MED1: variants seen among roughly 807,000 people sequenced by gnomAD.
The protein encoded by MED1 is mediator of RNA polymerase II transcription subunit 1.
MED1 carries 17 observed loss-of-function variants against 121.3 expected under a neutral mutation model. The ratio of observed to expected loss-of-function variants is 0.14; its 90% confidence interval spans 0.10 to 0.21. The LOEUF (loss-of-function observed/expected upper bound fraction) is 0.21. MED1 is among the 10% of genes least tolerant of loss of function. The pLI, the probability that MED1 is intolerant of heterozygous loss-of-function variation, is 1.00. For synonymous variants in MED1, 661 were observed against 694.4 expected, an observed-to-expected ratio of 0.95 and a Z score of 0.76; for missense variants, 1,558 against 1,919.4, an observed-to-expected ratio of 0.81 and a Z score of 3.52.
intron 10 of MED1, among the ~76,000 whole-genome samples, chr17:39,424,966 A>G (rs1226471626): frequency 2.0e-5 from 3 of 151,866 alleles, no homozygotes; most frequent in Non-Finnish European, 2.9e-5. Context: ...TGCAAGCTCC[A>G]CCTCCTGGGT....
intron 6 of MED1, among the ~76,000 whole-genome samples, chr17:39,435,428 T>A (rs1023526223): frequency 3.9e-5 from 6 of 151,902 alleles, no homozygotes. Context: ...CTTTTGTGGA[T>A]AGGTTTAGGA....
chr17:39,440,788 T>G lies in MED1; in HGVS notation c.212-111A>C. On this transcript the variant is annotated intron_variant, in intron 3 of 16. Coordinates refer to ENST00000300651, the MANE Select transcript of MED1 (RefSeq NM_004774.4). The surrounding 1 kb of genome is among the most constrained non-coding windows in gnomAD (Gnocchi z 4.1). ...CAAAACCGTAAACATATTCAGTAGTTCAAATGCTTGTAATTTACATAAAGT... is the reference window on the plus strand; with the variant it reads ...CAAAACCGTAAACATATTCAGTAGTGCAAATGCTTGTAATTTACATAAAGT... 9.7e-7 allele frequency: 1 copy of G among 1,033,888 alleles called. No homozygotes were observed. Among genetic ancestry groups the G allele is most frequent in the African/African-American group, 1.6e-5 (1 of 62,070 alleles). 64.0% of individuals were successfully genotyped at this position (1,033,888 alleles called of 1,614,324 possible).
At chr17:39,418,747 T>G (rs1027121117) in intron 14 of MED1, among the ~76,000 whole-genome samples, 1 of 152,130 alleles carries the variant, frequency 6.6e-6, no homozygotes, top group African/African-American at 2.4e-5. Flanking sequence ...CCCACTGAGA[T>G]TATCATTCAG....
At chr17:39,423,975 C>A (rs1051008066) in intron 11 of MED1, among the ~76,000 whole-genome samples, 154 bp from the exon 12 acceptor site, 1 of 152,018 alleles carries the variant, frequency 6.6e-6, no homozygotes, top group African/African-American at 2.4e-5. Context: ...CTCTGCCTCC[C>A]GGGTTCAAGG....
chr17:39,444,792 C>T (rs562221245), intron 2 of MED1, among the ~76,000 whole-genome samples: 2 of 151,914 alleles, frequency 1.3e-5, no homozygotes, highest in Non-Finnish European at 2.9e-5. Context: ...TCGCTTGACC[C>T]GGGGATGCAG....
intron 10 of MED1, 47 bp downstream of exon 10, chr17:39,427,654 C>G: frequency 1.4e-6 from 2 of 1,390,808 alleles, no homozygotes; most frequent in Non-Finnish European, 2.0e-6. Flanking sequence ...TAAAGGCAAG[C>G]TGGGCACCGA....
intron 6 of MED1, among the ~76,000 whole-genome samples, chr17:39,434,553 G>A (rs1008382355): frequency 6.6e-6 from 1 of 152,198 alleles, no homozygotes; most frequent in African/African-American, 2.4e-5. Flanking sequence ...AATAAGCAGT[G>A]TGAAAGTTAA....
At position 39,426,458 on chromosome 17, in the gene MED1, T is replaced by TAAAC. The variant is rs539997661; in HGVS notation, c.739+1239_739+1242dup. ...TGAGACTCCATCTTAAATAAATAAA[T>TAAAC]AAACAAACAAACAAACAAACAATAA... On this transcript the variant is annotated intron_variant, in intron 10 of 16. Coordinates refer to ENST00000300651, the MANE Select transcript of MED1 (RefSeq NM_004774.4). Among the ~76,000 whole-genome samples, 140 of 151,768 alleles carry TAAAC rather than the reference T, an allele frequency of 9.2e-4. 1 individual carries two copies. Among genetic ancestry groups the TAAAC allele is most frequent in the East Asian group, 7.6e-3 (39 of 5,148 alleles).
chr17:39,448,286 C>A (rs748182462), intron 1 of MED1, among the ~76,000 whole-genome samples: 8 of 151,330 alleles, frequency 5.3e-5, no homozygotes, highest in Non-Finnish European at 1.2e-4. Flanking sequence ...AGGAGAATTG[C>A]TTGAATCCAG....
Position 39,410,687 on chromosome 17 carries a change from G to C in MED1, c.1534C>G (p.Arg512Gly), listed in dbSNP as rs370909230. ...MSIPVTMRAI[R>G]RKAETIQADT... ...GCTTGAATGGTTTCAGCTTTCCTCC[G>C]AATAGCCCTCATCGTCACAGGGATG... The change falls in exon 17 of 17, where the codon CGG (arginine) becomes GGG (glycine). Residue 512 changes from arginine (R) to glycine (G), a missense_variant. Transcript: ENST00000300651. 6.2e-7 allele frequency: 1 copy of C among 1,612,870 alleles called. No homozygotes were observed. Among genetic ancestry groups the C allele is most frequent in the Non-Finnish European group, 8.5e-7 (1 of 1,179,150 alleles).
At chr17:39,426,527 G>A (rs1400644763) in intron 10 of MED1, among the ~76,000 whole-genome samples, 7 of 152,042 alleles carry the variant, frequency 4.6e-5, no homozygotes, top group Admixed American at 4.6e-4. Context: ...ACCTAAGGAG[G>A]TATTAGTCCA....
chr17:39,430,995 G>T, intron 9 of MED1, 120 bp downstream of exon 9: 2 of 898,806 alleles, frequency 2.2e-6, no homozygotes, highest in Non-Finnish European at 3.5e-6. Flanking sequence ...CTCCAGCCTG[G>T]GCAACAAAGT....
At chr17:39,444,793 G>A (rs1206132091) in intron 2 of MED1, among the ~76,000 whole-genome samples, 4 of 151,600 alleles carry the variant, frequency 2.6e-5, no homozygotes, top group East Asian at 1.9e-4. Context: ...CGCTTGACCC[G>A]GGGATGCAGA....
Position 39,434,274 on chromosome 17 carries a change from T to C in MED1, c.475A>G (p.Asn159Asp). The C allele has an allele frequency of 6.4e-7, 1 of 1,571,316 alleles. No homozygotes were observed. The highest frequency in any genetic ancestry group is 8.6e-7 in the Non-Finnish European group (1 of 1,162,376). The change falls in exon 7 of 17, where the codon AAT becomes GAT. Residue 159 changes from asparagine (N) to aspartate (D), a missense_variant. Physicochemically the swap from Asn to Asp is conservative, Grantham distance 23. Coordinates refer to ENST00000300651, the MANE Select transcript of MED1 (RefSeq NM_004774.4). ...TTGTCCCCTGGAAGGTTATACAGATTAACAAGGCCCTTAAGGTGCTTAGAA... is the reference window on the plus strand; with the variant it reads ...TTGTCCCCTGGAAGGTTATACAGATCAACAAGGCCCTTAAGGTGCTTAGAA... ...EFSKHLKGLV[N>D]LYNLPGDNKL...
chr17:39,423,429 T>G lies in MED1; in HGVS notation c.993A>C (p.Glu331Asp). Residue 331 changes from glutamate to aspartate, a missense_variant, in exon 13 of 17, where the codon GAA (glutamate) becomes GAC (aspartate). Around this residue, in one of 5 missense-constraint regions of MED1, gnomAD observed 443 missense variants for 532.4 expected, o/e 0.83. Coordinates refer to ENST00000300651, the MANE Select transcript of MED1 (RefSeq NM_004774.4). The stretch of plus-strand genomic sequence containing the variant: ...ACAGGGGTGCATAAGTTGGTTGAGT[T>G]TCAAACAATGGAATTCCTGGAAAAA... ...LQNCTGIPLF[E>D]TQPTYAPLYE... 6.2e-7 allele frequency: 1 copy of G among 1,612,366 alleles called. No homozygotes were observed. The highest frequency in any genetic ancestry group is 8.5e-7 in the Non-Finnish European group (1 of 1,178,580).
At chr17:39,432,416 A>G (rs1567648662) in intron 7 of MED1, among the ~76,000 whole-genome samples, 1 of 151,510 alleles carries the variant, frequency 6.6e-6, no homozygotes. Context: ...AGAAGGCCTA[A>G]AGAGCAAGTC....
At chr17:39,425,951 A>G (rs1284475877) in intron 10 of MED1, among the ~76,000 whole-genome samples, 1 of 152,114 alleles carries the variant, frequency 6.6e-6, no homozygotes, top group Non-Finnish European at 1.5e-5. Context: ...TTTTTTCTTC[A>G]GAATGCATTT....
At position 39,408,301 on chromosome 17, in the gene MED1, A is replaced by G; in HGVS notation, c.3920T>C (p.Ile1307Thr). The G allele has an allele frequency of 1.2e-6, 2 of 1,614,096 alleles. No homozygotes were observed. The highest frequency in any genetic ancestry group is 1.7e-6 in the Non-Finnish European group (2 of 1,180,018). ...RNKKPSLTAV[I>T]DKLKHGVVTS... ...GACAACCCCATGCTTCAGTTTATCT[A>G]TGACAGCTGTCAAGGACGGCTTCTT... Residue 1307 changes from isoleucine (I) to threonine (T), a missense_variant, in exon 17 of 17, where the codon ATA becomes ACA. Around this residue, in one of 5 missense-constraint regions of MED1, gnomAD observed 8 missense variants for 28.1 expected, o/e 0.28. Transcript: ENST00000300651. This position sits in a 1 kb window ranked among gnomAD's most constrained non-coding sequence, Gnocchi z 4.7.
At chr17:39,424,850 T>C in intron 10 of MED1, 112 bp from the exon 11 acceptor site, 2 of 676,774 alleles carry the variant, frequency 3.0e-6, no homozygotes, top group African/African-American at 1.9e-5. Context: ...ATTTATCAGA[T>C]GCTGTTATTC....
Sources: allele counts gnomAD v4.1 joint callset (sites outside exome capture counted in the v4.1 genomes callset), GRCh38; gene constraint gnomAD v4.1.1; regional missense constraint gnomAD v4.1.1; non-coding constraint Gnocchi (gnomAD v3.1); transcripts MANE v1.5; gene names NCBI Gene and HGNC (gene_info 2026-07-23, HGNC 2026-07-21).